The following RBMS3 variants were observed in gnomAD, a reference collection of about 807,000 sequenced individuals.
RBMS3 encodes RNA-binding motif, single-stranded-interacting protein 3.
A neutral mutation model predicts 66.8 loss-of-function variants in RBMS3; 27 were observed. That is an observed-to-expected ratio of 0.40 (90% CI 0.30 to 0.56). RBMS3 has a LOEUF of 0.56. Among genes scored for constraint, RBMS3 ranks in the 20% least tolerant of loss-of-function variants. RBMS3 has a pLI of 0.40. For synonymous variants in RBMS3, 188 were observed against 183.0 expected (o/e 1.03, Z -0.22); for missense variants, 513 against 549.5 (o/e 0.93, Z 0.66).
In RBMS3 at chr3:29,700,129, T is replaced by C. The variant is rs540177614; in HGVS notation, c.400-39591T>C. Among the ~76,000 whole-genome samples the C allele has an allele frequency of 1.5e-4, 23 of 152,362 alleles. No individual in the cohort carries two copies. The South Asian group carries it at 2.1e-3, about 14-fold the overall frequency. ...CAAATAAAGTCACAATACTGGACTATGTGATCTCTGGATATCCTTTTTTCT... is the reference window on the plus strand; with the variant it reads ...CAAATAAAGTCACAATACTGGACTACGTGATCTCTGGATATCCTTTTTTCT... On this transcript the variant is annotated intron_variant, in intron 4 of 14. Transcript: ENST00000383767.
chr3:30,001,481 A>C (rs887038037), intron 14 of RBMS3, among the ~76,000 whole-genome samples: 1 of 151,964 alleles, frequency 6.6e-6, no homozygotes, highest in East Asian at 1.9e-4. Context: ...TTCCTACTCT[A>C]CCATATTTAC....
chr3:29,701,224 C>A (rs2052557286), intron 4 of RBMS3, among the ~76,000 whole-genome samples: 1 of 151,652 alleles, frequency 6.6e-6, no homozygotes, highest in Non-Finnish European at 1.5e-5. Context: ...TTGCAGTGAG[C>A]TGAGATCGCG....
intron 1 of RBMS3, among the ~76,000 whole-genome samples, chr3:29,316,077 AG>A (rs1419478479): frequency 6.6e-6 from 1 of 151,708 alleles, no homozygotes; most frequent in Non-Finnish European, 1.5e-5. Flanking sequence ...AGAATATCTA[AG>A]AACCAGTAAA....
At chr3:29,438,086 T>G (rs1477416756) in intron 2 of RBMS3, among the ~76,000 whole-genome samples, 1 of 150,520 alleles carries the variant, frequency 6.6e-6, no homozygotes, top group East Asian at 2.0e-4. Context: ...CTCACAGTGC[T>G]TGTTACCATT....
chr3:29,307,045 A>G (rs985189181), intron 1 of RBMS3, among the ~76,000 whole-genome samples: 10 of 151,964 alleles, frequency 6.6e-5, no homozygotes, highest in African/African-American at 2.4e-4. Context: ...GCACTGTTTT[A>G]AAATTATATT....
At chr3:29,637,851 T>C (rs2149189324) in intron 4 of RBMS3, among the ~76,000 whole-genome samples, 1 of 151,950 alleles carries the variant, frequency 6.6e-6, no homozygotes, top group East Asian at 1.9e-4. Context: ...AGCAATAAAC[T>C]TGCCTGACAA....
intron 3 of RBMS3, among the ~76,000 whole-genome samples, chr3:29,578,261 A>T (rs185336838): frequency 1.2e-3 from 177 of 152,348 alleles, no homozygotes; most frequent in African/African-American, 4.1e-3. Context: ...ACCAAGGTCT[A>T]GGTGTAAGGG....
intron 1 of RBMS3, among the ~76,000 whole-genome samples, chr3:29,404,419 G>C (rs1389480739): frequency 2.0e-5 from 3 of 152,050 alleles, no homozygotes; most frequent in African/African-American, 7.2e-5. Flanking sequence ...TCTTTTTGCT[G>C]GTTAAGAGAC....
chr3:29,845,301 C>G (rs1333368596), intron 6 of RBMS3, among the ~76,000 whole-genome samples: 1 of 152,178 alleles, frequency 6.6e-6, no homozygotes, highest in Non-Finnish European at 1.5e-5. Context: ...TTTAGGCAAA[C>G]TTTTAAAACT....
chr3:29,629,445 G>T (rs2049200158), intron 4 of RBMS3, among the ~76,000 whole-genome samples: 1 of 152,078 alleles, frequency 6.6e-6, no homozygotes, highest in Admixed American at 6.6e-5. Flanking sequence ...TAAAACAAGA[G>T]CTCAGTTCAA....
chr3:29,447,128 G>C (rs2125751849), intron 2 of RBMS3, among the ~76,000 whole-genome samples: 1 of 151,942 alleles, frequency 6.6e-6, no homozygotes, highest in South Asian at 2.1e-4. Context: ...GGCCAGGCTG[G>C]TCTCGAACTC....
chr3:29,369,052 A>G (rs1228063549), intron 1 of RBMS3, among the ~76,000 whole-genome samples: 3 of 152,108 alleles, frequency 2.0e-5, no homozygotes, highest in Non-Finnish European at 4.4e-5. Context: ...TCAGCAAACT[A>G]AAGCAGGAAC....
intron 6 of RBMS3, among the ~76,000 whole-genome samples, chr3:29,769,296 G>A (rs1169387486): frequency 6.6e-6 from 1 of 151,824 alleles, no homozygotes; most frequent in Non-Finnish European, 1.5e-5. Flanking sequence ...AAGATTTAGG[G>A]CAGCCATAAA....
intron 6 of RBMS3, among the ~76,000 whole-genome samples, chr3:29,787,676 G>A (rs914473685): frequency 6.6e-5 from 10 of 151,918 alleles, no homozygotes; most frequent in Admixed American, 3.9e-4. Flanking sequence ...TGGACTTTGG[G>A]GACTCAGGGA....
chr3:29,349,872 T>C (rs1327848405), intron 1 of RBMS3, among the ~76,000 whole-genome samples: 1 of 152,172 alleles, frequency 6.6e-6, no homozygotes, highest in Non-Finnish European at 1.5e-5. Context: ...AAAATATAGT[T>C]GTTCAGGCCG....
At chr3:29,969,088 A>G (rs1697055920) in intron 12 of RBMS3, among the ~76,000 whole-genome samples, 1 of 152,186 alleles carries the variant, frequency 6.6e-6, no homozygotes, top group African/African-American at 2.4e-5. Flanking sequence ...GGCAAATTGG[A>G]TTTGGATAAA....
intron 6 of RBMS3, among the ~76,000 whole-genome samples, chr3:29,792,085 G>C (rs1413169287): frequency 3.9e-5 from 6 of 151,984 alleles, no homozygotes; most frequent in Non-Finnish European, 5.9e-5. Context: ...TAAAAACATA[G>C]GTGCCTGGGA....
intron 3 of RBMS3, among the ~76,000 whole-genome samples, chr3:29,575,336 C>T (rs1307551969): frequency 2.0e-5 from 3 of 151,408 alleles, no homozygotes; most frequent in Non-Finnish European, 4.4e-5. Flanking sequence ...TCTCTCCTGG[C>T]CTGTAAGGTT....
intron 1 of RBMS3, among the ~76,000 whole-genome samples, chr3:29,373,013 C>T (rs541310002): frequency 6.6e-5 from 10 of 152,098 alleles, no homozygotes; most frequent in African/African-American, 2.2e-4. Context: ...ATTTTTAAAA[C>T]GAGCAGGAAA....
Sources: gnomAD v4.1 joint callset for allele counts (sites outside exome capture counted in the v4.1 genomes callset) on GRCh38, gnomAD v4.1.1 for gene constraint, MANE v1.5 for transcripts, NCBI Gene and HGNC (gene_info 2026-07-23, HGNC 2026-07-21) for gene names.